CCND3: variants seen among roughly 807,000 people sequenced by gnomAD.
CCND3 encodes G1/S-specific cyclin-D3.
Under a neutral mutation model 28.7 loss-of-function variants are expected in CCND3, and 9 were observed. That is an observed-to-expected ratio of 0.31 (90% confidence interval 0.19 to 0.55). The LOEUF is 0.55. Ranked by LOEUF, CCND3 falls within the 20% of genes least tolerant of loss-of-function variation. CCND3 has a pLI of 0.93. For missense variants in CCND3, 315 were observed against 385.8 expected (o/e 0.82, Z 1.54); for synonymous variants, 164 against 163.9 (o/e 1.00, Z 0.00).
At chr6:42,019,354 T>C (rs958809636) in intron 1 of CCND3, among the ~76,000 whole-genome samples, 5 of 151,778 alleles carry the variant, frequency 3.3e-5, no homozygotes, top group Admixed American at 1.3e-4. Flanking sequence ...CCGGGTGTGG[T>C]GGTGTGCACC....
At chr6:42,023,569 GT>G (rs1261774773) in intron 1 of CCND3, among the ~76,000 whole-genome samples, 1 of 152,158 alleles carries the variant, frequency 6.6e-6, no homozygotes, top group Non-Finnish European at 1.5e-5. Context: ...CCAGTTTGGT[GT>G]TCGTGGTGAC....
At chr6:41,989,256 C>T (rs1478898382) in intron 1 of CCND3, among the ~76,000 whole-genome samples, 1 of 151,686 alleles carries the variant, frequency 6.6e-6, no homozygotes, top group Non-Finnish European at 1.5e-5. Flanking sequence ...GTAAGGAGTT[C>T]GAGATCGGCC....
At chr6:41,937,473 A>C (rs1775844735) in intron 2 of CCND3, 79 bp from the exon 3 acceptor site, 19 of 1,545,480 alleles carry the variant, frequency 1.2e-5, no homozygotes, top group Non-Finnish European at 1.5e-5. Flanking sequence ...TCAAAGTCTC[A>C]GGCAGGGAAG....
chr6:42,006,776 C>T (rs867107586), intron 1 of CCND3, among the ~76,000 whole-genome samples: 4 of 151,850 alleles, frequency 2.6e-5, no homozygotes, highest in Middle Eastern at 3.4e-3. Context: ...GGCGTGGTGG[C>T]GGGCGCCTGT....
Position 41,996,260 on chromosome 6 carries a change from C to A in CCND3, c.-46+52241G>T, listed in dbSNP as rs1444507530. On this transcript the variant is annotated intron_variant, in intron 1 of 4. Transcript: ENST00000372988. ...CGCCTCCCGGGTTCAAGTGATTCTC[C>A]AGCCTCAGCCTCCTGAGTAGCTGGG... 2.6e-5 allele frequency among the ~76,000 whole-genome samples: 4 copies of A among 151,554 alleles called. No individual in the cohort carries two copies. In the East Asian group the frequency reaches 7.7e-4, roughly 29 times the overall value.
chr6:42,040,981 C>T (rs980050254), intron 1 of CCND3, among the ~76,000 whole-genome samples: 1 of 151,792 alleles, frequency 6.6e-6, no homozygotes, highest in Non-Finnish European at 1.5e-5. Context: ...AAATGGCATA[C>T]AGGATATGGC....
chr6:42,007,742 G>T (rs1001410669), intron 1 of CCND3, among the ~76,000 whole-genome samples: 2 of 152,220 alleles, frequency 1.3e-5, no homozygotes, highest in Admixed American at 1.3e-4. Context: ...GCCAGAAAGG[G>T]CTGGACAGGA....
intron 1 of CCND3, among the ~76,000 whole-genome samples, chr6:42,033,243 G>A (rs1183733611): frequency 1.4e-4 from 21 of 152,000 alleles, no homozygotes; most frequent in Non-Finnish European, 1.5e-4. Context: ...CCTGAGGTCA[G>A]GAGTTCGAGA....
intron 1 of CCND3, among the ~76,000 whole-genome samples, chr6:41,981,363 C>T (rs1026127970): frequency 5.3e-5 from 8 of 151,864 alleles, no homozygotes; most frequent in Admixed American, 4.6e-4. Context: ...CACCACCATC[C>T]CTGGCTAATT....
At chr6:42,001,462 C>CTAAT (rs137933787) in intron 1 of CCND3, among the ~76,000 whole-genome samples, 1 of 151,546 alleles carries the variant, frequency 6.6e-6, no homozygotes, top group South Asian at 2.1e-4. Context: ...ACCACATATA[C>CTAAT]TAAGTGAAAG....
At chr6:41,961,250 G>A (rs531248581) in intron 1 of CCND3, among the ~76,000 whole-genome samples, 4 of 152,140 alleles carry the variant, frequency 2.6e-5, no homozygotes, top group Admixed American at 6.5e-5. Context: ...GAGGTAGGTG[G>A]ATCATCTGAG....
chr6:41,948,576 C>T (rs373056178), intron 1 of CCND3, among the ~76,000 whole-genome samples: 20 of 152,170 alleles, frequency 1.3e-4, no homozygotes, highest in Non-Finnish European at 1.8e-4. Context: ...CGGTGGCTCA[C>T]GCCTGTAATC....
chr6:42,029,536 C>T (rs1480115523), intron 1 of CCND3, among the ~76,000 whole-genome samples: 1 of 151,998 alleles, frequency 6.6e-6, no homozygotes, highest in Non-Finnish European at 1.5e-5. Context: ...CAGTGAGACC[C>T]CCACACATAC....
At chr6:41,966,934 G>A (rs542440198) in intron 1 of CCND3, among the ~76,000 whole-genome samples, 3 of 152,204 alleles carry the variant, frequency 2.0e-5, no homozygotes, top group Admixed American at 6.5e-5. Context: ...ACAAGTTGAC[G>A]CAAGTCTCTA....
intron 1 of CCND3, among the ~76,000 whole-genome samples, chr6:41,964,393 CAT>C (rs1225357844): frequency 7.4e-6 from 1 of 136,008 alleles, no homozygotes; most frequent in Non-Finnish European, 1.6e-5. Flanking sequence ...TGTGTGTGTG[CAT>C]GTGTGAATGT....
intron 1 of CCND3, among the ~76,000 whole-genome samples, chr6:42,009,888 A>G (rs1763290864): frequency 1.3e-5 from 2 of 152,158 alleles, no homozygotes; most frequent in African/African-American, 4.8e-5. Flanking sequence ...CAGTAGAAGC[A>G]GCATCAACAA....
chr6:41,943,912 AT>A (rs1776104337), upstream of CCND3, among the ~76,000 whole-genome samples: 1 of 152,188 alleles, frequency 6.6e-6, no homozygotes, highest in Non-Finnish European at 1.5e-5. Flanking sequence ...TTATTGACTT[AT>A]AAGTTCTCAT....
chr6:41,984,648 G>C (rs910687355), intron 1 of CCND3, among the ~76,000 whole-genome samples: 17 of 152,068 alleles, frequency 1.1e-4, no homozygotes, highest in Admixed American at 4.6e-4. Flanking sequence ...ACTCTCGGCG[G>C]GTAGTTGCTG....
chr6:41,990,550 A>G (rs948223763), intron 1 of CCND3, among the ~76,000 whole-genome samples: 16 of 152,086 alleles, frequency 1.1e-4, no homozygotes, highest in Non-Finnish European at 1.5e-5. Flanking sequence ...AAAATATACC[A>G]CAAAGCTGTA....
Sources: gnomAD v4.1 joint callset for allele counts (sites outside exome capture counted in the v4.1 genomes callset) on GRCh38, gnomAD v4.1.1 for gene constraint, MANE v1.5 for transcripts, NCBI Gene and HGNC (gene_info 2026-07-23, HGNC 2026-07-21) for gene names.